LNX1: variants seen among roughly 807,000 people sequenced by gnomAD.
The protein encoded by LNX1 is E3 ubiquitin-protein ligase LNX.
Under a neutral mutation model 68.4 loss-of-function variants are expected in LNX1, and 54 were observed. That is an observed-to-expected ratio of 0.79 (90% CI 0.63 to 0.99). LNX1 has a LOEUF of 0.99. LNX1 is among the 50% of genes least tolerant of loss of function. LNX1 has a pLI of 0.00. For synonymous variants in LNX1, 336 were observed against 350.0 expected (o/e 0.96, Z 0.45); for missense variants, 906 against 926.4 (o/e 0.98, Z 0.29).
chr4:53,496,335 C>T lies in LNX1; in HGVS notation c.1038G>A (p.Gln346=), dbSNP rs375430303. The change falls in exon 6 of 11, where the codon CAG becomes CAA. Residue 346 remains glutamine (Q), a synonymous_variant. Coordinates refer to ENST00000263925, the MANE Select transcript of LNX1 (RefSeq NM_001126328.3). ...CAGTCAGCCACAGCACCTGGCAGGG[C>T]TGCCGCAGGAGACGCACAGCGTAGT... ...PHNYAVRLLR[Q]PCQVLWLTVM... 2 of 1,614,044 alleles carry T rather than the reference C, an allele frequency of 1.2e-6. No homozygotes were observed. The highest frequency in any genetic ancestry group is 2.2e-5 in the South Asian group (2 of 91,072).
intron 6 of LNX1, among the ~76,000 whole-genome samples, chr4:53,493,937 A>G (rs950070011): frequency 2.6e-5 from 4 of 152,162 alleles, no homozygotes; most frequent in African/African-American, 4.8e-5. Flanking sequence ...TTTGCGGATA[A>G]AGTCTGAGGT....
intron 6 of LNX1, among the ~76,000 whole-genome samples, chr4:53,488,524 A>G (rs974534032): frequency 3.9e-5 from 6 of 152,228 alleles, no homozygotes; most frequent in Admixed American, 3.3e-4. Flanking sequence ...TGAGTTCTGG[A>G]CTGACCAGTA....
intron 1 of LNX1, among the ~76,000 whole-genome samples, chr4:53,585,113 G>A (rs546418999): frequency 1.3e-4 from 20 of 152,254 alleles, no homozygotes; most frequent in African/African-American, 4.8e-4. Flanking sequence ...GTTTTGGTTT[G>A]GAGGACTCAG....
intron 2 of LNX1, among the ~76,000 whole-genome samples, chr4:53,529,438 G>T (rs1226953288): frequency 1.3e-5 from 2 of 152,214 alleles, no homozygotes; most frequent in Non-Finnish European, 2.9e-5. Context: ...AGGCAACCAA[G>T]CTACTGCTTT....
intron 9 of LNX1, among the ~76,000 whole-genome samples, chr4:53,469,500 C>A (rs1453193046): frequency 5.9e-5 from 9 of 152,142 alleles, no homozygotes; most frequent in African/African-American, 2.2e-4. Flanking sequence ...CAGAGCAGAA[C>A]TGAAGAAAAT....
At chr4:53,463,178 A>G (rs1007418954) in intron 9 of LNX1, among the ~76,000 whole-genome samples, 1 of 152,114 alleles carries the variant, frequency 6.6e-6, no homozygotes, top group Non-Finnish European at 1.5e-5. Flanking sequence ...CAAAAATATT[A>G]CGTGTTCTAG....
intron 9 of LNX1, among the ~76,000 whole-genome samples, chr4:53,463,406 C>CTT (rs10670420): frequency 0.076 from 11,526 of 152,058 alleles, 719 homozygotes; most frequent in South Asian, 0.28. Flanking sequence ...GAGTATTTAA[C>CTT]TTTATTGCCG....
chr4:53,598,776 A>G (rs556272954), intron 2 of LNX1, among the ~76,000 whole-genome samples: 58 of 152,340 alleles, frequency 3.8e-4, no homozygotes, highest in African/African-American at 1.4e-3. Context: ...AAGCCTGAAC[A>G]CTTTGGGAAG....
At chr4:53,586,010 G>A (rs1167140674) in intron 1 of LNX1, among the ~76,000 whole-genome samples, 1 of 152,090 alleles carries the variant, frequency 6.6e-6, no homozygotes, top group Non-Finnish European at 1.5e-5. Context: ...CAGCCACATA[G>A]ATTGCTACAT....
At chr4:53,494,642 A>G (rs995541847) in intron 6 of LNX1, among the ~76,000 whole-genome samples, 24 of 152,236 alleles carry the variant, frequency 1.6e-4, no homozygotes, top group Admixed American at 1.5e-3. Flanking sequence ...TCATTTAGAT[A>G]AAGTCCAGCT....
At chr4:53,479,262 T>C (rs1448720833) in intron 7 of LNX1, among the ~76,000 whole-genome samples, 1 of 152,170 alleles carries the variant, frequency 6.6e-6, no homozygotes, top group African/African-American at 2.4e-5. Context: ...TTCCTGATAG[T>C]AGTGAGTCAG....
At chr4:53,494,348 C>G (rs1724907650) in intron 6 of LNX1, among the ~76,000 whole-genome samples, 1 of 152,198 alleles carries the variant, frequency 6.6e-6, no homozygotes, top group Non-Finnish European at 1.5e-5. Flanking sequence ...TCCATTAAAC[C>G]TCTTCTTTTT....
In LNX1 at chr4:53,460,626, A is replaced by ATCAG. The variant is rs1721812944; in HGVS notation, c.*280_*281insCTGA. On this transcript the variant is annotated 3_prime_UTR_variant, in exon 11 of 11. Transcript: ENST00000263925. ...AGCTTGAATTCAGTGGGGTATACAA[A>ATCAG]TCATTTTAGTTGTTTTAGGGCTTTT... 3.1e-6 allele frequency: 1 copy of ATCAG among 326,888 alleles called. No individual in the cohort carries two copies. The highest frequency in any genetic ancestry group is 5.7e-5 in the South Asian group (1 of 17,466). The allele number at this position is 326,888 out of a possible 1,614,324, so 20.2% of individuals were successfully genotyped here. A position where few individuals can be genotyped will look rare whatever the true frequency, so the allele number is the denominator to read the frequency against.
chr4:53,482,724 G>A (rs1408083262), intron 6 of LNX1, among the ~76,000 whole-genome samples: 1 of 152,112 alleles, frequency 6.6e-6, no homozygotes, highest in African/African-American at 2.4e-5. Flanking sequence ...AGTGGGGTGA[G>A]GGATGAAAAA....
chr4:53,460,075 G>A lies in LNX1; in HGVS notation c.*832C>T. 1 of 199,430 alleles carries A rather than the reference G, an allele frequency of 5.0e-6. No homozygotes were observed. 12.4% of individuals were successfully genotyped at this position (199,430 alleles called of 1,614,324 possible). The stretch of plus-strand genomic sequence containing the variant: ...GAAATAAATTAATTAATTACCCATA[G>A]TGTAGTTTCTAGGAGGCATGTGTAC... On this transcript the variant is annotated 3_prime_UTR_variant, in exon 11 of 11. Transcript: ENST00000263925.
chr4:53,508,366 C>A, intron 2 of LNX1, 139 bp from the exon 3 acceptor site: 1 of 1,042,860 alleles, frequency 9.6e-7, no homozygotes, highest in Non-Finnish European at 1.4e-6. Context: ...GCTATATCCT[C>A]TCTTCCCTTT....
At chr4:53,566,023 T>C (rs1384131116) in intron 2 of LNX1, among the ~76,000 whole-genome samples, 2 of 151,420 alleles carry the variant, frequency 1.3e-5, no homozygotes, top group Non-Finnish European at 3.0e-5. Flanking sequence ...TACGTCTGAT[T>C]GGTGTACCTG....
At chr4:53,582,501 G>A (rs1192551045) in intron 1 of LNX1, among the ~76,000 whole-genome samples, 3 of 152,192 alleles carry the variant, frequency 2.0e-5, no homozygotes, top group Non-Finnish European at 4.4e-5. Context: ...CACATGGAAT[G>A]TGACATTTTA....
At chr4:53,595,119 C>T (rs189400182), upstream of LNX1, among the ~76,000 whole-genome samples, 39 of 152,258 alleles carry the variant, frequency 2.6e-4, no homozygotes, top group Admixed American at 2.3e-3. Flanking sequence ...AAGAAAGGAA[C>T]ATGAATTGGG....
Sources: gnomAD v4.1 joint callset for allele counts (sites outside exome capture counted in the v4.1 genomes callset) on GRCh38, gnomAD v4.1.1 for gene constraint, MANE v1.5 for transcripts, NCBI Gene and HGNC (gene_info 2026-07-23, HGNC 2026-07-21) for gene names.